PROK2: variants seen among roughly 807,000 people sequenced by gnomAD.
PROK2 encodes prokineticin 2.
Under a neutral mutation model 14.2 loss-of-function variants are expected in PROK2, and 8 were observed. The observed-to-expected ratio is 0.56, with a 90% CI of 0.33 to 1.02. The LOEUF is 1.02. Among genes scored for constraint, PROK2 ranks in the 50% least tolerant of loss-of-function variants. The probability of loss-of-function intolerance (pLI) is 0.03; values close to 1 mark genes in which losing one functional copy is unlikely to be tolerated. For missense variants in PROK2, 154 were observed against 160.4 expected, an observed-to-expected ratio of 0.96 and a Z score of 0.22; for synonymous variants, 59 against 60.7, an observed-to-expected ratio of 0.97 and a Z score of 0.13.
Position 71,774,485 on chromosome 3 carries a change from T to G in PROK2, c.245A>C (p.Gln82Pro). The change falls in exon 3 of 4, where the codon CAG (glutamine) becomes CCG (proline). Residue 82 changes from glutamine to proline, a missense_variant. Physicochemically the swap from Gln to Pro is moderately conservative, Grantham distance 76. Coordinates refer to ENST00000295619, the MANE Select transcript of PROK2 (RefSeq NM_001126128.2). ...TRKNNFGNGR[Q>P]ERRKRKRSKR... ...GCTTCTCTTCCTCTTTCTTCTTTCCTGCCTTCCATTTCCAAAATTGTTCTG... is the reference window on the plus strand; with the variant it reads ...GCTTCTCTTCCTCTTTCTTCTTTCCGGCCTTCCATTTCCAAAATTGTTCTG... The G allele has an allele frequency of 6.4e-7, 1 of 1,551,378 alleles. No individual in the cohort carries two copies. The highest frequency in any genetic ancestry group is 2.4e-5 in the East Asian group (1 of 40,916).
rs931354661 is a variant in PROK2 at position 71,771,909 on chromosome 3, T to C, written c.*815A>G. 3 of 152,394 alleles carry C rather than the reference T, an allele frequency of 2.0e-5. No homozygotes were observed. The highest frequency in any genetic ancestry group is 1.3e-4 in the Admixed American group (2 of 15,272). The allele number at this position is 152,394 out of a possible 1,614,324, so 9.4% of individuals were successfully genotyped here. ...TCTAGAATATCTCTAAGTAGGAGAC[T>C]AAGGAAAAAAAACTTTATAAAAAGT... On this transcript the variant is annotated 3_prime_UTR_variant, in exon 4 of 4. Transcript: ENST00000295619.
Position 71,773,366 on chromosome 3 carries a change from C to T in PROK2, c.286-538G>A, listed in dbSNP as rs188212056. Among the ~76,000 whole-genome samples, 180 of 152,174 alleles carry T rather than the reference C, an allele frequency of 1.2e-3. 2 individuals are homozygous for T. Among genetic ancestry groups the T allele is most frequent in the Admixed American group, 2.2e-3 (33 of 15,282 alleles). On this transcript the variant is annotated intron_variant, in intron 3 of 3. Coordinates refer to ENST00000295619, the MANE Select transcript of PROK2 (RefSeq NM_001126128.2). ...AGCACTTTAATTGTACCCATTTTAC[C>T]GATGAGAGAATGAGGCAAAGAGAGA...
intron 2 of PROK2, among the ~76,000 whole-genome samples, chr3:71,776,234 C>G (rs765265200): frequency 6.6e-6 from 1 of 152,136 alleles, no homozygotes; most frequent in Non-Finnish European, 1.5e-5. Flanking sequence ...ACTGCAGGGT[C>G]CTTAATACTT....
At chr3:71,783,788 T>C (rs1373670417) in intron 1 of PROK2, among the ~76,000 whole-genome samples, 1 of 152,240 alleles carries the variant, frequency 6.6e-6, no homozygotes, top group Non-Finnish European at 1.5e-5. Context: ...GGCAAAGCTA[T>C]GCAAGTAATT....
At chr3:71,782,628 A>G (rs1374251494) in intron 1 of PROK2, among the ~76,000 whole-genome samples, 1 of 152,216 alleles carries the variant, frequency 6.6e-6, no homozygotes, top group African/African-American at 2.4e-5. Flanking sequence ...ATCCTGTACT[A>G]TATATGTAAG....
chr3:71,784,857 C>A, intron 1 of PROK2, 100 bp downstream of exon 1: 1 of 1,044,296 alleles, frequency 9.6e-7, no homozygotes, highest in Non-Finnish European at 1.2e-6. Flanking sequence ...GGGCGACCCT[C>A]CCTTTGCCTC....
chr3:71,779,690 A>T (rs1227299845), intron 2 of PROK2, among the ~76,000 whole-genome samples: 1 of 151,946 alleles, frequency 6.6e-6, no homozygotes, highest in Non-Finnish European at 1.5e-5. Flanking sequence ...GCAGCCTGAA[A>T]CTCCTGGATT....
chr3:71,778,163 C>A (rs946747663), intron 2 of PROK2, among the ~76,000 whole-genome samples: 5 of 151,684 alleles, frequency 3.3e-5, no homozygotes, highest in African/African-American at 1.2e-4. Flanking sequence ...CACCACTGCA[C>A]TCCAGCCTGG....
At chr3:71,778,138 A>T (rs913981908) in intron 2 of PROK2, among the ~76,000 whole-genome samples, 7 of 151,622 alleles carry the variant, frequency 4.6e-5, no homozygotes, top group African/African-American at 7.3e-5. Flanking sequence ...CGGAGCTTGC[A>T]GTGAGCCGAG....
chr3:71,780,005 G>A (rs1279702950), intron 2 of PROK2, among the ~76,000 whole-genome samples: 1 of 152,232 alleles, frequency 6.6e-6, no homozygotes, highest in African/African-American at 2.4e-5. Flanking sequence ...CAATAAGGGT[G>A]TTGAAAATAA....
chr3:71,779,134 T>C (rs778230903), intron 2 of PROK2, among the ~76,000 whole-genome samples: 5 of 152,234 alleles, frequency 3.3e-5, no homozygotes, highest in Non-Finnish European at 7.3e-5. Flanking sequence ...TCATCAAAAC[T>C]ATCGGACGAC....
At chr3:71,773,522 T>G (rs552327843) in intron 3 of PROK2, among the ~76,000 whole-genome samples, 34 of 152,320 alleles carry the variant, frequency 2.2e-4, no homozygotes, top group Admixed American at 8.5e-4. Context: ...CTTTTTATGG[T>G]ATCCTATCAT....
rs780743452 is a variant in PROK2 at position 71,781,530 on chromosome 3, C to G, written c.159G>C (p.Lys53Asn). Residue 53 changes from lysine (K) to asparagine (N), a missense_variant, in exon 2 of 4, where the codon AAG (lysine) becomes AAC (asparagine). Transcript: ENST00000295619. ...CCATAGGTGTGCAAATCCTTATGCTCTTGACCCAGATACTGACAGCACAGC... is the reference window on the plus strand; with the variant it reads ...CCATAGGTGTGCAAATCCTTATGCTGTTGACCCAGATACTGACAGCACAGC... ...GMCCAVSIWV[K>N]SIRICTPMGK... The G allele has an allele frequency of 6.2e-7, 1 of 1,613,536 alleles. No individual in the cohort carries two copies. Among genetic ancestry groups the G allele is most frequent in the Non-Finnish European group, 8.5e-7 (1 of 1,179,486 alleles).
chr3:71,784,122 T>C (rs2050191644), intron 1 of PROK2, among the ~76,000 whole-genome samples: 2 of 152,262 alleles, frequency 1.3e-5, no homozygotes, highest in African/African-American at 2.4e-5. Context: ...CAGGAAATGA[T>C]AGCAGTTTTG....
chr3:71,772,541 A>G lies in PROK2; in HGVS notation c.*183T>C, dbSNP rs188433009. The G allele has an allele frequency of 1.7e-3, 1,080 of 626,494 alleles. 4 individuals are homozygous for G. Among genetic ancestry groups the G allele is most frequent in the Non-Finnish European group, 2.2e-3 (795 of 356,422 alleles). The allele number at this position is 626,494 out of a possible 1,614,324, so 38.8% of individuals were successfully genotyped here. On this transcript the variant is annotated 3_prime_UTR_variant, in exon 4 of 4. Transcript: ENST00000295619. Reference sequence around the variant, plus strand: ...CTTACACTTCATATTTCTATCCAAAAGTAAAATTCTCTTTCGATAAAAAAA... The same window carrying G: ...CTTACACTTCATATTTCTATCCAAAGGTAAAATTCTCTTTCGATAAAAAAA...
At position 71,779,821 on chromosome 3, in the gene PROK2, G is replaced by A. The variant is rs574254471; in HGVS notation, c.222+1646C>T. 3.0e-4 allele frequency among the ~76,000 whole-genome samples: 46 copies of A among 152,208 alleles called. No homozygotes were observed. In the East Asian group the frequency reaches 5.8e-3, roughly 19 times the overall value. On this transcript the variant is annotated intron_variant, in intron 2 of 3. Transcript: ENST00000295619. ...GACGGGGTCTCACTATGTTGCCCAG[G>A]CTGGTCTCAAATTCCTGGGCTCAAG...
intron 3 of PROK2, among the ~76,000 whole-genome samples, chr3:71,774,054 G>A (rs1402818751): frequency 6.6e-6 from 1 of 152,178 alleles, no homozygotes; most frequent in Non-Finnish European, 1.5e-5. Context: ...TGAGTGAGAC[G>A]AGTGACTACA....
intron 2 of PROK2, among the ~76,000 whole-genome samples, chr3:71,779,890 T>C (rs2108195557): frequency 6.6e-6 from 1 of 152,328 alleles, no homozygotes; most frequent in Admixed American, 6.5e-5. Flanking sequence ...GATTACAGTG[T>C]GAGCCACTAT....
intron 1 of PROK2, among the ~76,000 whole-genome samples, chr3:71,783,911 TAAC>T (rs1405191832): frequency 6.6e-6 from 1 of 152,208 alleles, no homozygotes; most frequent in African/African-American, 2.4e-5. Context: ...ATAAACCTAA[TAAC>T]TAATATAGAG....
Sources: gnomAD v4.1 joint callset for allele counts (sites outside exome capture counted in the v4.1 genomes callset) on GRCh38, gnomAD v4.1.1 for gene constraint, MANE v1.5 for transcripts, NCBI Gene and HGNC (gene_info 2026-07-23, HGNC 2026-07-21) for gene names.